AGPAT3: variants seen among roughly 807,000 people sequenced by gnomAD.
AGPAT3 encodes the protein 1-acylglycerol-3-phosphate O-acyltransferase 3.
Under a neutral mutation model 47.3 loss-of-function variants are expected in AGPAT3, and 5 were observed. The ratio of observed to expected loss-of-function variants is 0.11; its 90% CI spans 0.06 to 0.22. AGPAT3 has a LOEUF of 0.22. AGPAT3 is among the 10% of genes least tolerant of loss of function. The pLI, the probability that AGPAT3 is intolerant of heterozygous loss-of-function variation, is 1.00. For missense variants in AGPAT3, 315 were observed against 493.0 expected (o/e 0.64, Z 3.42); for synonymous variants, 212 against 208.3 (o/e 1.02, Z -0.15).
chr21:43,971,269 AC>A, intron 6 of AGPAT3, 118 bp from the exon 7 acceptor site: 1 of 792,998 alleles, frequency 1.3e-6, no homozygotes, highest in South Asian at 1.6e-5. Flanking sequence ...ACGGGGCCAG[AC>A]CCCTCACGCG....
At chr21:43,926,606 G>A (rs901342707) in intron 2 of AGPAT3, among the ~76,000 whole-genome samples, 2 of 148,430 alleles carry the variant, frequency 1.3e-5, no homozygotes, top group African/African-American at 5.0e-5. Flanking sequence ...GTGTCGTGCT[G>A]CTGGGGTAGC....
chr21:43,973,981 C>A (rs1303812365), intron 7 of AGPAT3, among the ~76,000 whole-genome samples: 2 of 152,146 alleles, frequency 1.3e-5, no homozygotes, highest in African/African-American at 4.8e-5. Context: ...TACTTTTTAT[C>A]TTATTTTTAA....
chr21:43,936,064 C>G (rs1332418278), intron 2 of AGPAT3, among the ~76,000 whole-genome samples: 1 of 152,240 alleles, frequency 6.6e-6, no homozygotes, highest in Non-Finnish European at 1.5e-5. Flanking sequence ...CAGCCCTGGC[C>G]CCCACACCTG....
At chr21:43,944,595 A>C (rs2087800641) in intron 2 of AGPAT3, among the ~76,000 whole-genome samples, 1 of 152,240 alleles carries the variant, frequency 6.6e-6, no homozygotes, top group African/African-American at 2.4e-5. Flanking sequence ...CCAGAAAAGC[A>C]CAGAAAACCA....
chr21:43,879,810 C>T (rs1275396971), intron 1 of AGPAT3, among the ~76,000 whole-genome samples: 1 of 152,134 alleles, frequency 6.6e-6, no homozygotes. Flanking sequence ...TCAATGAGCA[C>T]CACGTTGAAA....
intron 1 of AGPAT3, among the ~76,000 whole-genome samples, chr21:43,882,868 G>A (rs1250796553): frequency 6.6e-6 from 1 of 152,192 alleles, no homozygotes; most frequent in African/African-American, 2.4e-5. Flanking sequence ...ATCCTCAGGG[G>A]CCTGGGGCAA....
chr21:43,906,492 G>T (rs944845477), intron 2 of AGPAT3, among the ~76,000 whole-genome samples: 2 of 152,198 alleles, frequency 1.3e-5, no homozygotes, highest in African/African-American at 4.8e-5. Context: ...AACCAGAAAT[G>T]TTGTATCACT....
At chr21:43,869,439 T>C (rs1055718325) in intron 1 of AGPAT3, among the ~76,000 whole-genome samples, 1 of 152,244 alleles carries the variant, frequency 6.6e-6, no homozygotes, top group African/African-American at 2.4e-5. Flanking sequence ...TGTACTAGCA[T>C]TGATTTTTGC....
chr21:43,972,479 G>A (rs2089437551), intron 7 of AGPAT3, among the ~76,000 whole-genome samples: 1 of 152,098 alleles, frequency 6.6e-6, no homozygotes, highest in African/African-American at 2.4e-5. Context: ...CTTGAGAGTT[G>A]GGGCTTCAGT....
rs1282803213 is a variant in AGPAT3 at position 43,922,146 on chromosome 21, G to A, written c.-49+18127G>A. 6.6e-6 allele frequency among the ~76,000 whole-genome samples: 1 copy of A among 152,136 alleles called. No homozygotes were observed. The highest frequency in any genetic ancestry group is 1.5e-5 in the Non-Finnish European group (1 of 68,030). ...ACCTGGGGACGGGGATGAGTCACCCGGGGGCCTTGGTGCATGTGGAGGCCC... is the reference window on the plus strand; with the variant it reads ...ACCTGGGGACGGGGATGAGTCACCCAGGGGCCTTGGTGCATGTGGAGGCCC... On this transcript the variant is annotated intron_variant, in intron 2 of 9. Transcript: ENST00000291572. The surrounding 1 kb of genome is among the most constrained non-coding windows in gnomAD (Gnocchi z 4.9).
chr21:43,975,882 T>C (rs1038221272), intron 7 of AGPAT3, among the ~76,000 whole-genome samples: 2 of 152,130 alleles, frequency 1.3e-5, no homozygotes, highest in African/African-American at 4.8e-5. Context: ...AAAGTGATTC[T>C]CTGACGGCCG....
intron 2 of AGPAT3, among the ~76,000 whole-genome samples, chr21:43,957,111 G>A (rs1289288566): frequency 6.6e-5 from 10 of 152,178 alleles, no homozygotes; most frequent in Non-Finnish European, 7.4e-5. Context: ...GGTTGAGAAC[G>A]TCCAAGGGTG....
At chr21:43,865,888 T>C (rs2085495136) in intron 1 of AGPAT3, among the ~76,000 whole-genome samples, 1 of 151,710 alleles carries the variant, frequency 6.6e-6, no homozygotes, top group Non-Finnish European at 1.5e-5. Context: ...GCAGTTTCAC[T>C]TTTGCCGCTC....
chr21:43,926,300 A>G (rs1353259707), intron 2 of AGPAT3, among the ~76,000 whole-genome samples: 2 of 152,168 alleles, frequency 1.3e-5, no homozygotes, highest in African/African-American at 2.4e-5. Flanking sequence ...ACTGGCGCCA[A>G]GGGGGTGCTG....
intron 1 of AGPAT3, among the ~76,000 whole-genome samples, chr21:43,873,568 G>A (rs578113220): frequency 6.6e-6 from 1 of 152,288 alleles, no homozygotes; most frequent in South Asian, 2.1e-4. Flanking sequence ...AGTAGAGACG[G>A]GGTTTCACCA....
chr21:43,865,307 G>C lies in AGPAT3; in HGVS notation c.-150G>C, dbSNP rs1166478262. On this transcript the variant is annotated 5_prime_UTR_variant, in exon 1 of 10. Coordinates refer to ENST00000291572, the MANE Select transcript of AGPAT3 (RefSeq NM_020132.5). ...AGAGCGGGGCCGCGGAGGCGACGCC[G>C]GGGACGCCCGCGCGACGAGCAGGTG... is the stretch of plus-strand genomic sequence containing the variant. 1 of 146,876 alleles carries C rather than the reference G, an allele frequency of 6.8e-6. No individual in the cohort carries two copies. Among genetic ancestry groups the C allele is most frequent in the Non-Finnish European group, 1.5e-5 (1 of 65,942 alleles). The allele number at this position is 146,876 out of a possible 1,614,324, so 9.1% of individuals were successfully genotyped here.
At chr21:43,907,445 C>T (rs887507984) in intron 2 of AGPAT3, among the ~76,000 whole-genome samples, 1 of 152,280 alleles carries the variant, frequency 6.6e-6, no homozygotes, top group East Asian at 1.9e-4. Context: ...ATACCAGGTA[C>T]GGTGGCTCAC....
intron 1 of AGPAT3, among the ~76,000 whole-genome samples, chr21:43,876,713 G>A (rs1201125984): frequency 6.6e-6 from 1 of 152,174 alleles, no homozygotes; most frequent in Non-Finnish European, 1.5e-5. Flanking sequence ...TGTCTGGGGG[G>A]AAATTTTTTC....
intron 2 of AGPAT3, among the ~76,000 whole-genome samples, chr21:43,917,952 T>G (rs1367892109): frequency 3.9e-5 from 2 of 51,364 alleles, no homozygotes; most frequent in Non-Finnish European, 6.8e-5. Flanking sequence ...TTGTGGGGGT[T>G]GTAGGGGGTG....
Sources: allele counts gnomAD v4.1 joint callset (sites outside exome capture counted in the v4.1 genomes callset), GRCh38; gene constraint gnomAD v4.1.1; non-coding constraint Gnocchi (gnomAD v3.1); transcripts MANE v1.5; gene names NCBI Gene and HGNC (gene_info 2026-07-23, HGNC 2026-07-21).